Variants in CROCC observed in about 807,000 individuals in gnomAD.
CROCC encodes the protein ciliary rootlet coiled-coil, rootletin.
Under a neutral mutation model 245.2 loss-of-function variants are expected in CROCC, and 180 were observed. The observed-to-expected ratio is 0.73, with a 90% confidence interval of 0.65 to 0.83. CROCC has a LOEUF of 0.83. Among genes scored for constraint, CROCC ranks in the 40% least tolerant of loss-of-function variants. The pLI is 0.00. For missense variants in CROCC, 2,688 were observed against 2,779.4 expected (o/e 0.97, Z 0.74); for synonymous variants, 1,205 against 1,241.6 (o/e 0.97, Z 0.62).
At chr1:16,964,521 T>C (rs2076388612) in intron 27 of CROCC, among the ~76,000 whole-genome samples, 1 of 152,142 alleles carries the variant, frequency 6.6e-6, no homozygotes, top group Non-Finnish European at 1.5e-5. Flanking sequence ...CCTGAGTAGC[T>C]GGGATTACAG....
At chr1:16,932,955 G>T (rs1026219966) in intron 8 of CROCC, among the ~76,000 whole-genome samples, 1 of 152,266 alleles carries the variant, frequency 6.6e-6, no homozygotes, top group Non-Finnish European at 1.5e-5. Flanking sequence ...GGGACTACAG[G>T]TGCATGCCAC....
chr1:16,961,563 CCCGG>C (rs2076335227), intron 27 of CROCC, among the ~76,000 whole-genome samples: 1 of 151,966 alleles, frequency 6.6e-6, no homozygotes, highest in Non-Finnish European at 1.5e-5. Flanking sequence ...AGCCACGGCA[CCCGG>C]TCTAGGCCAC....
chr1:16,968,303 TGGAGCTGCAGCGGCGCTCGCTTGAGGG>T lies in CROCC; in HGVS notation c.4974_5000del (p.Arg1659_Arg1667del), dbSNP rs771930046. ...GCCTCCGAGAGCCGCACTGTCAAGCTGGAGCTGCAGCGGCGCTCGCTTGAGGGGGAGCTGCAGCGCAGCCGCCTGGGC... is the reference window on the plus strand; with the variant it reads ...GCCTCCGAGAGCCGCACTGTCAAGCTGGAGCTGCAGCGCAGCCGCCTGGGC... On this transcript the variant is annotated inframe_deletion, in exon 31 of 37. Transcript: ENST00000375541. 3.0e-5 allele frequency: 47 copies of T among 1,551,994 alleles called. No individual in the cohort carries two copies. Among genetic ancestry groups the T allele is most frequent in the African/African-American group, 9.6e-5 (7 of 73,278 alleles).
rs2076452760 is a variant in CROCC, at chr1:16,968,294, C to G, written c.4952C>G (p.Thr1651Ser). The change falls in exon 31 of 37, where the codon ACT (threonine) becomes AGT (serine). Residue 1651 changes from threonine to serine, a missense_variant. Coordinates refer to ENST00000375541, the MANE Select transcript of CROCC (RefSeq NM_014675.5). ...GTTCTGGACGCCTCCGAGAGCCGCACTGTCAAGCTGGAGCTGCAGCGGCGC... is the reference window on the plus strand; with the variant it reads ...GTTCTGGACGCCTCCGAGAGCCGCAGTGTCAAGCTGGAGCTGCAGCGGCGC... The part of the protein sequence containing the change: ...KEVLDASESR[T>S]VKLELQRRSL... 1 of 1,553,462 alleles carries G rather than the reference C, an allele frequency of 6.4e-7. No homozygotes were observed. The highest frequency in any genetic ancestry group is 8.7e-7 in the Non-Finnish European group (1 of 1,149,514).
chr1:16,960,016 C>T (rs1033301074), intron 26 of CROCC, among the ~76,000 whole-genome samples: 2 of 151,980 alleles, frequency 1.3e-5, no homozygotes, highest in African/African-American at 2.4e-5. Context: ...CCTGTAATCC[C>T]AGCACTTTGG....
intron 2 of CROCC, among the ~76,000 whole-genome samples, chr1:16,923,180 G>A (rs6697343): frequency 0.063 from 9,367 of 149,620 alleles, no homozygotes; most frequent in African/African-American, 0.067. Flanking sequence ...GGATGGCGCC[G>A]TCCATCCGTT....
intron 8 of CROCC, among the ~76,000 whole-genome samples, chr1:16,934,825 T>C (rs542703115): frequency 2.0e-5 from 3 of 151,958 alleles, no homozygotes; most frequent in Admixed American, 6.5e-5. Flanking sequence ...CTTTTTTCTT[T>C]TTTGCTTCTT....
At chr1:16,945,196 G>A (rs1363844791) in intron 14 of CROCC, among the ~76,000 whole-genome samples, 7 of 152,282 alleles carry the variant, frequency 4.6e-5, no homozygotes, top group Admixed American at 3.9e-4. Context: ...TCGCACCACT[G>A]TACTCCAGCC....
chr1:16,963,066 C>G (rs549685331), intron 27 of CROCC, among the ~76,000 whole-genome samples: 2 of 151,580 alleles, frequency 1.3e-5, no homozygotes, highest in South Asian at 4.2e-4. Context: ...GCCTGTAATC[C>G]CAGCTACTCG....
At chr1:16,925,920 C>T (rs1296070449) in intron 3 of CROCC, among the ~76,000 whole-genome samples, 7 of 152,266 alleles carry the variant, frequency 4.6e-5, no homozygotes, top group African/African-American at 1.4e-4. Flanking sequence ...GAGCCAGGCA[C>T]CCCTTTCTTT....
chr1:16,955,972 A>G, intron 24 of CROCC, 25 bp from the exon 25 acceptor site: 2 of 1,548,956 alleles, frequency 1.3e-6, no homozygotes, highest in Non-Finnish European at 1.7e-6. Context: ...GACCCAGGGC[A>G]GCCCCTGACC....
chr1:16,915,751 A>G (rs1335180146), intron 1 of CROCC, among the ~76,000 whole-genome samples: 7 of 152,246 alleles, frequency 4.6e-5, no homozygotes, highest in Non-Finnish European at 1.0e-4. Context: ...TCAGAAAGTG[A>G]TATTTTTGAG....
rs767731164 is a variant in CROCC at position 16,939,861 on chromosome 1, C to G, written c.1609-33C>G. ...TAGGTGGCTCTGGAGGCCTCTCAGG[C>G]CCCCCCAGACTCTGTGACCCCCCAC... On this transcript the variant is annotated intron_variant, in intron 12 of 36. Coordinates refer to ENST00000375541, the MANE Select transcript of CROCC (RefSeq NM_014675.5). 5.0e-6 allele frequency: 8 copies of G among 1,595,960 alleles called. No homozygotes were observed. In the East Asian group the frequency reaches 1.3e-4, roughly 27 times the overall value.
chr1:16,925,341 T>C (rs1311198544), intron 3 of CROCC, among the ~76,000 whole-genome samples: 1 of 152,282 alleles, frequency 6.6e-6, no homozygotes, highest in African/African-American at 2.4e-5. Flanking sequence ...GGGACCATTA[T>C]GATGCCCATG....
intron 20 of CROCC, 103 bp from the exon 21 acceptor site, chr1:16,953,199 C>T (rs554526313): frequency 9.7e-5 from 98 of 1,008,184 alleles, no homozygotes; most frequent in African/African-American, 9.2e-4. Context: ...CCCTCCATCT[C>T]TGAGGGTATG....
intron 27 of CROCC, among the ~76,000 whole-genome samples, chr1:16,963,776 T>C (rs571893647): frequency 2.0e-4 from 31 of 151,638 alleles, no homozygotes; most frequent in African/African-American, 6.8e-4. Flanking sequence ...CTTCCCAGCA[T>C]TGAGAACAAC....
intron 3 of CROCC, among the ~76,000 whole-genome samples, chr1:16,925,193 C>T (rs1337506530): frequency 1.3e-5 from 2 of 152,252 alleles, no homozygotes; most frequent in African/African-American, 2.4e-5. Context: ...AAGGGACACT[C>T]GCAGCTGGGA....
In CROCC at chr1:16,937,699, C is replaced by T. The variant is rs778144417; in HGVS notation, c.1252C>T (p.Gln418Ter). 6.2e-7 allele frequency: 1 copy of T among 1,611,420 alleles called. No homozygotes were observed. The highest frequency in any genetic ancestry group is 1.1e-5 in the South Asian group (1 of 90,834). Reference sequence around the variant, plus strand: ...TGAGAAGCAGAATCTGGAGAAGGATCAGGTCAACAAGGACCTCACTGAGAA... The same window carrying T: ...TGAGAAGCAGAATCTGGAGAAGGATTAGGTCAACAAGGACCTCACTGAGAA... Reference protein sequence around the residue: ...RLEKQNLEKDQVNKDLTEKLE... With the variant: ...RLEKQNLEKD Residue 418 changes from glutamine (Q) to a stop codon, truncating the protein, a stop_gained, in exon 10 of 37, where the codon CAG becomes TAG. Coordinates refer to ENST00000375541, the MANE Select transcript of CROCC (RefSeq NM_014675.5). LOFTEE classifies it high-confidence loss of function.
chr1:16,919,139 T>G (rs1478605339), upstream of CROCC, among the ~76,000 whole-genome samples: 1 of 152,306 alleles, frequency 6.6e-6, no homozygotes, highest in Non-Finnish European at 1.5e-5. Flanking sequence ...CAGGGCAGTT[T>G]CCTTAGTTGG....
Sources: allele counts gnomAD v4.1 joint callset (sites outside exome capture counted in the v4.1 genomes callset), GRCh38; gene constraint gnomAD v4.1.1; transcripts MANE v1.5; gene names NCBI Gene and HGNC (gene_info 2026-07-23, HGNC 2026-07-21).